LRBA: variants seen among roughly 807,000 people sequenced by gnomAD.
The protein encoded by LRBA is LPS responsive beige-like anchor protein.
Under a neutral mutation model 330.0 loss-of-function variants are expected in LRBA, and 176 were observed. The ratio of observed to expected loss-of-function variants is 0.53; its 90% CI spans 0.47 to 0.60. The LOEUF is 0.60. Ranked by LOEUF, LRBA falls within the 20% of genes least tolerant of loss-of-function variation. LRBA has a pLI of 0.00. For synonymous variants in LRBA, 1,230 were observed against 1,193.0 expected (o/e 1.03, Z -0.64); for missense variants, 3,259 against 3,444.8 (o/e 0.95, Z 1.35).
At chr4:151,015,300 T>C (rs1297682651), upstream of LRBA, 1 of 151,276 alleles carries the variant, frequency 6.6e-6, no homozygotes, top group Non-Finnish European at 1.5e-5. Flanking sequence ...AAGGGGGCGG[T>C]GATTATTCTA....
rs758695604 is a variant in LRBA, at chr4:150,487,767, A to C, written c.6516T>G (p.Val2172=). The change falls in exon 42 of 57, where the codon GTT becomes GTG. Residue 2172 remains valine (V), a synonymous_variant. Transcript: ENST00000651943. ...GCAATCCAAAACTTGTTCCAACGCC[A>C]ACACGAGGTAGATAGTTAACCACTT... ...VKKVVNYLPR[V]GVGTSFGLPQ... 11 of 1,599,954 alleles carry C rather than the reference A, an allele frequency of 6.9e-6. No individual in the cohort carries two copies. The East Asian group carries it at 2.0e-4, about 29-fold the overall frequency.
intron 47 of LRBA, among the ~76,000 whole-genome samples, chr4:150,410,160 G>T (rs1746768302): frequency 6.6e-6 from 1 of 152,030 alleles, no homozygotes; most frequent in South Asian, 2.1e-4. Context: ...CTTGTTCAGT[G>T]GGGGGCATGA....
chr4:150,761,791 A>G lies in LRBA; in HGVS notation c.5637T>C (p.Asn1879=). The G allele has an allele frequency of 1.3e-6, 2 of 1,543,922 alleles. No individual in the cohort carries two copies. The highest frequency in any genetic ancestry group is 4.7e-5 in the East Asian group (2 of 42,492). Reference sequence around the variant, plus strand: ...AAAATAAAATAAATTACCTTCCTTCATTGACAAGTTCGATAAAAGCAAGGC... The same window carrying G: ...AAAATAAAATAAATTACCTTCCTTCGTTGACAAGTTCGATAAAAGCAAGGC... ...NAGLAFIELV[N]EGRLLSQTMK... Residue 1879 remains asparagine (N), a synonymous_variant, in exon 35 of 57, where the codon AAT becomes AAC. Transcript: ENST00000651943.
intron 47 of LRBA, among the ~76,000 whole-genome samples, chr4:150,378,493 G>A (rs532884216): frequency 2.6e-5 from 4 of 152,298 alleles, no homozygotes; most frequent in Admixed American, 6.5e-5. Flanking sequence ...GTGTAAGGAT[G>A]TAAATAAATG....
chr4:150,948,479 C>T (rs547356507), intron 2 of LRBA, among the ~76,000 whole-genome samples: 6 of 151,990 alleles, frequency 3.9e-5, no homozygotes, highest in African/African-American at 7.2e-5. Context: ...ATATTGATCA[C>T]GGATTTAAAT....
intron 47 of LRBA, among the ~76,000 whole-genome samples, chr4:150,381,919 A>C (rs1056544644): frequency 7.9e-5 from 12 of 152,182 alleles, no homozygotes; most frequent in Non-Finnish European, 1.5e-4. Context: ...ACTAATGTTA[A>C]CATATTTTCA....
chr4:150,870,642 CA>C, intron 19 of LRBA, 36 bp from the exon 20 acceptor site: 1 of 961,518 alleles, frequency 1.0e-6, no homozygotes, highest in Non-Finnish European at 1.7e-6. Context: ...ATTAGCAAAT[CA>C]CTGGATTAGC....
At chr4:150,326,309 G>C (rs1733254012) in intron 48 of LRBA, among the ~76,000 whole-genome samples, 1 of 152,148 alleles carries the variant, frequency 6.6e-6, no homozygotes, top group Admixed American at 6.6e-5. Context: ...ATCCTGGGGA[G>C]TAAAAAGGAG....
intron 40 of LRBA, among the ~76,000 whole-genome samples, chr4:150,527,870 G>T (rs1763638295): frequency 6.6e-6 from 1 of 152,160 alleles, no homozygotes; most frequent in Non-Finnish European, 1.5e-5. Flanking sequence ...GTGGATTCCA[G>T]GTGCCAAAGA....
chr4:150,498,520 C>G (rs1489983074), intron 40 of LRBA, among the ~76,000 whole-genome samples: 1 of 151,760 alleles, frequency 6.6e-6, no homozygotes, highest in African/African-American at 2.4e-5. Flanking sequence ...AGGCAAGAAA[C>G]CAAAATGAAC....
chr4:150,460,407 A>G (rs766266856), intron 44 of LRBA, among the ~76,000 whole-genome samples: 1 of 151,850 alleles, frequency 6.6e-6, no homozygotes, highest in Non-Finnish European at 1.5e-5. Context: ...AGCAATGAAT[A>G]ACAAATTCAC....
intron 46 of LRBA, among the ~76,000 whole-genome samples, chr4:150,429,848 A>G (rs1012903675): frequency 4.6e-5 from 7 of 152,122 alleles, no homozygotes; most frequent in Non-Finnish European, 1.0e-4. Context: ...TGTCTTTTTC[A>G]TCTGGAGAGA....
chr4:150,728,394 A>G (rs917927746), intron 36 of LRBA, among the ~76,000 whole-genome samples: 18 of 152,180 alleles, frequency 1.2e-4, no homozygotes, highest in Non-Finnish European at 2.9e-5. Flanking sequence ...CATATTAAAA[A>G]AAGAAAACTA....
At chr4:150,846,559 T>A in intron 26 of LRBA, among the ~76,000 whole-genome samples, 1 of 150,500 alleles carries the variant, frequency 6.6e-6, no homozygotes. Context: ...AAATGGAGAC[T>A]CAGAACTCAG....
intron 2 of LRBA, chr4:151,012,870 G>A (rs1745014057): frequency 6.7e-6 from 1 of 149,152 alleles, no homozygotes; most frequent in African/African-American, 2.5e-5. Context: ...GAGTGCATTG[G>A]CACGATCTCG....
chr4:150,654,398 A>G (rs991652970), intron 37 of LRBA, among the ~76,000 whole-genome samples: 14 of 152,240 alleles, frequency 9.2e-5, no homozygotes, highest in Admixed American at 5.2e-4. Context: ...CACATTGGCC[A>G]GGCTTGTCTC....
At chr4:150,398,293 C>T (rs1276655029) in intron 47 of LRBA, among the ~76,000 whole-genome samples, 1 of 152,062 alleles carries the variant, frequency 6.6e-6, no homozygotes, top group Non-Finnish European at 1.5e-5. Flanking sequence ...AAAACACTTT[C>T]AAAGAAAAAT....
At chr4:150,274,454 G>A (rs1234377799) in intron 56 of LRBA, among the ~76,000 whole-genome samples, 1 of 152,022 alleles carries the variant, frequency 6.6e-6, no homozygotes, top group Non-Finnish European at 1.5e-5. Flanking sequence ...TAAGATCAGA[G>A]GAGAACTGAA....
chr4:150,315,409 G>T, intron 51 of LRBA, 152 bp downstream of exon 51: 1 of 710,054 alleles, frequency 1.4e-6, no homozygotes, highest in Non-Finnish European at 2.5e-6. Context: ...TACCAGCATA[G>T]CCACAGCTCA....
Sources: gnomAD v4.1 joint callset for allele counts (sites outside exome capture counted in the v4.1 genomes callset) on GRCh38, gnomAD v4.1.1 for gene constraint, MANE v1.5 for transcripts, NCBI Gene and HGNC (gene_info 2026-07-23, HGNC 2026-07-21) for gene names.